The following CNTN4 variants were observed in gnomAD, a reference collection of about 807,000 sequenced individuals.
CNTN4 encodes the protein contactin-4.
In CNTN4, 77 loss-of-function variants were observed where a neutral mutation model predicts 122.5. The observed-to-expected ratio is 0.63, with a 90% CI of 0.52 to 0.76. The LOEUF (loss-of-function observed/expected upper bound fraction) is 0.76, where lower values mean the gene tolerates loss of function less well. Ranked by LOEUF, CNTN4 falls within the 30% of genes least tolerant of loss-of-function variation. The pLI is 0.00. For synonymous variants in CNTN4, 512 were observed against 447.0 expected, an observed-to-expected ratio of 1.15 and a Z score of -1.83; for missense variants, 1,256 against 1,259.1, an observed-to-expected ratio of 1.00 and a Z score of 0.04.
intron 2 of CNTN4, among the ~76,000 whole-genome samples, chr3:2,102,000 A>C (rs564764053): frequency 6.6e-6 from 1 of 152,244 alleles, no homozygotes; most frequent in Non-Finnish European, 1.5e-5. Flanking sequence ...TAACAAATAG[A>C]TTAAGCACAC....
At chr3:2,501,767 C>T (rs1002122273) in intron 3 of CNTN4, among the ~76,000 whole-genome samples, 2 of 152,116 alleles carry the variant, frequency 1.3e-5, no homozygotes, top group Non-Finnish European at 2.9e-5. Context: ...AAGTCCCTTT[C>T]ACTGTGTAAA....
At chr3:2,479,928 A>T (rs913360591) in intron 3 of CNTN4, among the ~76,000 whole-genome samples, 4 of 152,228 alleles carry the variant, frequency 2.6e-5, no homozygotes, top group African/African-American at 9.6e-5. Flanking sequence ...ACCACCACCA[A>T]GTGGGATTCA....
intron 4 of CNTN4, among the ~76,000 whole-genome samples, chr3:2,622,921 T>C (rs2082044558): frequency 6.6e-6 from 1 of 152,218 alleles, no homozygotes; most frequent in Non-Finnish European, 1.5e-5. Flanking sequence ...CATATGAGAA[T>C]GATGGAAGCA....
chr3:2,767,658 C>T (rs1305585472), intron 6 of CNTN4, among the ~76,000 whole-genome samples: 2 of 152,182 alleles, frequency 1.3e-5, no homozygotes, highest in Non-Finnish European at 2.9e-5. Flanking sequence ...AAATGTTCTA[C>T]TTGAGCGTAC....
intron 4 of CNTN4, among the ~76,000 whole-genome samples, chr3:2,582,804 C>T (rs946749332): frequency 6.6e-6 from 1 of 151,888 alleles, no homozygotes; most frequent in African/African-American, 2.4e-5. Context: ...GCCAAACCTC[C>T]TGGTGGCCAA....
chr3:2,659,172 A>G (rs1452369655), intron 4 of CNTN4, among the ~76,000 whole-genome samples: 1 of 152,030 alleles, frequency 6.6e-6, no homozygotes, highest in Non-Finnish European at 1.5e-5. Flanking sequence ...CCTTCTTAAA[A>G]ATAGGAGCAG....
At chr3:2,869,786 T>A (rs1327039858) in intron 8 of CNTN4, among the ~76,000 whole-genome samples, 3 of 152,196 alleles carry the variant, frequency 2.0e-5, no homozygotes, top group Non-Finnish European at 4.4e-5. Context: ...ATTAATATGT[T>A]GGATTAAGCT....
chr3:2,101,576 T>C (rs2125081407), intron 2 of CNTN4, among the ~76,000 whole-genome samples: 1 of 152,290 alleles, frequency 6.6e-6, no homozygotes, highest in East Asian at 1.9e-4. Context: ...TTTTGTTCAT[T>C]TTTCCCTGTA....
chr3:3,015,264 C>A (rs1483153623), intron 14 of CNTN4, among the ~76,000 whole-genome samples: 1 of 151,848 alleles, frequency 6.6e-6, no homozygotes, highest in Non-Finnish European at 1.5e-5. Context: ...TAATAGTTGC[C>A]CATTCTGAAG....
Position 2,390,215 on chromosome 3 carries a change from A to AGTGTGTGTGTGTGT in CNTN4, c.-89+51005_-89+51018dup, listed in dbSNP as rs142190283. ...ACTGTCAATGGGTTTAGGAAAAAAG[A>AGTGTGTGTGTGTGT]GTGTGTGTGTGTGTGTGTGTGTGTG... On this transcript the variant is annotated intron_variant, in intron 3 of 24. Transcript: ENST00000418658. 6.4e-3 allele frequency among the ~76,000 whole-genome samples: 920 copies of AGTGTGTGTGTGTGT among 144,858 alleles called. 6 individuals are homozygous for AGTGTGTGTGTGTGT. Among genetic ancestry groups the AGTGTGTGTGTGTGT allele is most frequent in the African/African-American group, 0.021 (826 of 39,106 alleles).
chr3:2,674,285 T>A (rs923473286), intron 4 of CNTN4, among the ~76,000 whole-genome samples: 1 of 152,128 alleles, frequency 6.6e-6, no homozygotes, highest in Non-Finnish European at 1.5e-5. Flanking sequence ...TTATATTTTT[T>A]AATTGACACA....
chr3:2,384,014 C>G (rs2046137112), intron 3 of CNTN4, among the ~76,000 whole-genome samples: 1 of 152,058 alleles, frequency 6.6e-6, no homozygotes, highest in Non-Finnish European at 1.5e-5. Flanking sequence ...AAAATGTATT[C>G]ACATCTCTAA....
intron 3 of CNTN4, among the ~76,000 whole-genome samples, chr3:2,447,387 A>G (rs953333301): frequency 2.6e-5 from 4 of 152,136 alleles, no homozygotes; most frequent in Non-Finnish European, 4.4e-5. Context: ...TTTGTCTATC[A>G]ATCATTAAGT....
intron 13 of CNTN4, among the ~76,000 whole-genome samples, chr3:2,943,588 T>G: frequency 6.8e-6 from 1 of 147,292 alleles, no homozygotes; most frequent in African/African-American, 2.5e-5. Flanking sequence ...GACTCCTAGG[T>G]AATATATAAA....
At chr3:2,588,672 A>C (rs1006323825) in intron 4 of CNTN4, among the ~76,000 whole-genome samples, 9 of 151,504 alleles carry the variant, frequency 5.9e-5, no homozygotes, top group Non-Finnish European at 8.8e-5. Flanking sequence ...GCCATGAGTT[A>C]GTACTTTTTT....
At chr3:2,873,397 T>C (rs1197819693) in intron 8 of CNTN4, among the ~76,000 whole-genome samples, 1 of 152,208 alleles carries the variant, frequency 6.6e-6, no homozygotes, top group East Asian at 1.9e-4. Flanking sequence ...TGCAGAAAAC[T>C]AGGTGCATTC....
chr3:2,100,924 C>T (rs531794119), intron 2 of CNTN4, among the ~76,000 whole-genome samples: 1 of 152,256 alleles, frequency 6.6e-6, no homozygotes, highest in Admixed American at 6.5e-5. Flanking sequence ...CAATTAAAGA[C>T]TAAGAGTCTA....
chr3:2,858,278 A>T (rs1306132237), intron 7 of CNTN4, among the ~76,000 whole-genome samples: 1 of 152,240 alleles, frequency 6.6e-6, no homozygotes, highest in African/African-American at 2.4e-5. Context: ...AAATTCCAAG[A>T]GTGAGATCCA....
At chr3:2,956,982 A>G (rs988575663) in intron 13 of CNTN4, among the ~76,000 whole-genome samples, 4 of 152,140 alleles carry the variant, frequency 2.6e-5, no homozygotes, top group Non-Finnish European at 5.9e-5. Flanking sequence ...TTTCTTTTTA[A>G]GGCTGAGTAA....
Sources: allele counts gnomAD v4.1 joint callset (sites outside exome capture counted in the v4.1 genomes callset), GRCh38; gene constraint gnomAD v4.1.1; transcripts MANE v1.5; gene names NCBI Gene and HGNC (gene_info 2026-07-23, HGNC 2026-07-21).